The following SMAP1 variants were observed in gnomAD, a reference collection of about 807,000 sequenced individuals.
SMAP1 encodes stromal membrane-associated protein 1.
Under a neutral mutation model 58.5 loss-of-function variants are expected in SMAP1, and 24 were observed. That is an observed-to-expected ratio of 0.41 (90% CI 0.30 to 0.58). The LOEUF is 0.58. Ranked by LOEUF, SMAP1 falls within the 20% of genes least tolerant of loss-of-function variation. SMAP1 has a pLI of 0.29. For synonymous variants in SMAP1, 216 were observed against 196.6 expected (o/e 1.10, Z -0.82); for missense variants, 563 against 566.3 (o/e 0.99, Z 0.06).
In SMAP1 at chr6:70,754,385, A is replaced by G. The variant is rs368626242; in HGVS notation, c.253-595A>G. Among the ~76,000 whole-genome samples, 15 of 152,182 alleles carry G rather than the reference A, an allele frequency of 9.9e-5. No homozygotes were observed. In the South Asian group the frequency reaches 1.4e-3, roughly 15 times the overall value. On this transcript the variant is annotated intron_variant, in intron 2 of 10. Coordinates refer to ENST00000370455, the MANE Select transcript of SMAP1 (RefSeq NM_001044305.3). ...CACAGATTTTTAGGGAGGAGTTTCT[A>G]TGAACTGAACTTATATGTAAAGTTT...
intron 3 of SMAP1, among the ~76,000 whole-genome samples, chr6:70,758,739 T>C (rs1356847855): frequency 6.6e-6 from 1 of 151,908 alleles, no homozygotes; most frequent in Non-Finnish European, 1.5e-5. Flanking sequence ...ATTGGAGAGA[T>C]TGGAAACAAG....
At chr6:70,760,007 G>T (rs958996956) in intron 3 of SMAP1, 1 of 262,978 alleles carries the variant, frequency 3.8e-6, no homozygotes, top group Middle Eastern at 4.3e-4. Context: ...AGGATGAGAT[G>T]CTCAAAGAGC....
intron 1 of SMAP1, among the ~76,000 whole-genome samples, chr6:70,725,117 TTTTTTTTTTTTTTTTTTG>T: frequency 8.7e-6 from 1 of 114,580 alleles, no homozygotes; most frequent in South Asian, 3.1e-4. Context: ...TTTTTTTTTT[TTTTTTTTTTTTTTTTTTG>T]AGACGGAGTC....
At chr6:70,759,207 T>A (rs952782563) in intron 3 of SMAP1, among the ~76,000 whole-genome samples, 1 of 152,128 alleles carries the variant, frequency 6.6e-6, no homozygotes, top group African/African-American at 2.4e-5. Flanking sequence ...CAGCCCAGCA[T>A]ACAAATCAGC....
intron 3 of SMAP1, among the ~76,000 whole-genome samples, chr6:70,761,417 T>C (rs945307186): frequency 6.6e-6 from 1 of 152,048 alleles, no homozygotes; most frequent in Non-Finnish European, 1.5e-5. Context: ...CTGTTTCTAA[T>C]TTTTTGGGTT....
chr6:70,736,405 A>G (rs1259235681), intron 2 of SMAP1, among the ~76,000 whole-genome samples: 2 of 151,266 alleles, frequency 1.3e-5, no homozygotes, highest in African/African-American at 4.9e-5. Flanking sequence ...CCCCCCACCC[A>G]AGATATTATA....
chr6:70,757,557 G>C (rs564394722), intron 3 of SMAP1, among the ~76,000 whole-genome samples: 16 of 151,584 alleles, frequency 1.1e-4, no homozygotes, highest in African/African-American at 3.9e-4. Flanking sequence ...CACAGCAAAA[G>C]AAACTACCAT....
intron 6 of SMAP1, among the ~76,000 whole-genome samples, chr6:70,817,658 A>G (rs1056311863): frequency 1.3e-5 from 2 of 152,132 alleles, no homozygotes; most frequent in African/African-American, 4.8e-5. Flanking sequence ...TGAGTTCTCA[A>G]AGATGTTCAC....
rs1434938587 is a variant in SMAP1 at position 70,812,887 on chromosome 6, C to G, written c.576+14150C>G. ...ATACTCGTGCCCCCAGTGTGTCTCT[C>G]CTTTCTACATAACAAGGTCTACATC... On this transcript the variant is annotated intron_variant, in intron 6 of 10. Transcript: ENST00000370455. 2.6e-5 allele frequency among the ~76,000 whole-genome samples: 4 copies of G among 152,022 alleles called. No individual in the cohort carries two copies. In the East Asian group the frequency reaches 7.7e-4, roughly 29 times the overall value.
At chr6:70,850,352 A>T (rs1186257831) in intron 7 of SMAP1, among the ~76,000 whole-genome samples, 1 of 151,994 alleles carries the variant, frequency 6.6e-6, no homozygotes, top group Non-Finnish European at 1.5e-5. Context: ...TTTTTCCATA[A>T]ATTTGTCTGA....
In SMAP1 at chr6:70,667,933, C is replaced by T; in HGVS notation, c.-91C>T. 2.6e-6 allele frequency: 3 copies of T among 1,140,014 alleles called. No homozygotes were observed. Among genetic ancestry groups the T allele is most frequent in the Non-Finnish European group, 3.7e-6 (3 of 815,908 alleles). 70.6% of individuals were successfully genotyped at this position (1,140,014 alleles called of 1,614,324 possible). On this transcript the variant is annotated 5_prime_UTR_variant, in exon 1 of 11. Coordinates refer to ENST00000370455, the MANE Select transcript of SMAP1 (RefSeq NM_001044305.3). ...TTCCTGGGCTGAGTCCGCCCGCGGT[C>T]CCGGCGGCGCCAGGTGCGTTCACTC...
At chr6:70,676,556 G>GT (rs1320778665) in intron 1 of SMAP1, among the ~76,000 whole-genome samples, 2 of 152,272 alleles carry the variant, frequency 1.3e-5, no homozygotes, top group Non-Finnish European at 2.9e-5. Context: ...TAAAACACCT[G>GT]TTTTTGTTGT....
chr6:70,689,097 T>C (rs1243109562), intron 1 of SMAP1, among the ~76,000 whole-genome samples: 1 of 152,072 alleles, frequency 6.6e-6, no homozygotes, highest in Admixed American at 6.6e-5. Flanking sequence ...CGTCCCAATC[T>C]GCTTCAAGTG....
At chr6:70,816,490 A>C (rs1769634265) in intron 6 of SMAP1, among the ~76,000 whole-genome samples, 1 of 152,192 alleles carries the variant, frequency 6.6e-6, no homozygotes, top group Admixed American at 6.5e-5. Flanking sequence ...ATAAAGGTAG[A>C]TTAGCCTAAC....
At chr6:70,785,290 A>G (rs1028973137) in intron 4 of SMAP1, among the ~76,000 whole-genome samples, 1 of 152,206 alleles carries the variant, frequency 6.6e-6, no homozygotes, top group African/African-American at 2.4e-5. Context: ...AATCTCTGGG[A>G]CACATTCAAA....
intron 1 of SMAP1, among the ~76,000 whole-genome samples, chr6:70,729,265 C>G (rs7451673): frequency 0.24 from 36,459 of 151,820 alleles, 5,425 homozygotes; most frequent in Non-Finnish European, 0.33. Flanking sequence ...TGGTGAAACC[C>G]CGTCTCTACT....
chr6:70,680,721 T>G (rs955307823), intron 1 of SMAP1, among the ~76,000 whole-genome samples: 1 of 140,804 alleles, frequency 7.1e-6, no homozygotes, highest in Non-Finnish European at 1.5e-5. Flanking sequence ...TGTTTTTTTT[T>G]TTTTTTTTTT....
rs558942064 is a variant in SMAP1 at position 70,705,385 on chromosome 6, G to A, written c.119-26993G>A. ...TCCTGCCTCAGCCTCCCAAGTAGTT[G>A]GGATTACAGGCGCCTGCCACCATGC... On this transcript the variant is annotated intron_variant, in intron 1 of 10. Transcript: ENST00000370455. Among the ~76,000 whole-genome samples the A allele has an allele frequency of 8.6e-5, 13 of 151,872 alleles. No homozygotes were observed. The East Asian group carries it at 2.5e-3, about 29-fold the overall frequency.
intron 6 of SMAP1, among the ~76,000 whole-genome samples, chr6:70,809,811 C>T (rs1332497785): frequency 1.3e-5 from 2 of 152,124 alleles, no homozygotes; most frequent in African/African-American, 4.8e-5. Context: ...CTTTACATTT[C>T]TAGCTTAAAG....
Sources: allele counts gnomAD v4.1 joint callset (sites outside exome capture counted in the v4.1 genomes callset), GRCh38; gene constraint gnomAD v4.1.1; transcripts MANE v1.5; gene names NCBI Gene and HGNC (gene_info 2026-07-23, HGNC 2026-07-21).